Variants in DISP3 observed in about 807,000 individuals in gnomAD.
The protein encoded by DISP3 is dispatched RND transporter family member 3.
Under a neutral mutation model 135.3 loss-of-function variants are expected in DISP3, and 101 were observed. That is an observed-to-expected ratio of 0.75 (90% CI 0.64 to 0.88). The LOEUF (loss-of-function observed/expected upper bound fraction) is 0.88, where lower values mean the gene tolerates loss of function less well. Among genes scored for constraint, DISP3 ranks in the 40% least tolerant of loss-of-function variants. DISP3 has a pLI of 0.00. For synonymous variants in DISP3, 856 were observed against 817.0 expected, an observed-to-expected ratio of 1.05 and a Z score of -0.81; for missense variants, 1,713 against 1,878.6, an observed-to-expected ratio of 0.91 and a Z score of 1.63.
chr1:11,504,280 A>G (rs1407344552), intron 3 of DISP3, among the ~76,000 whole-genome samples: 3 of 152,220 alleles, frequency 2.0e-5, no homozygotes, highest in Non-Finnish European at 4.4e-5. Flanking sequence ...GAGACATGGC[A>G]ATTAGGTAAG....
chr1:11,489,457 A>G (rs901624180), intron 1 of DISP3, among the ~76,000 whole-genome samples: 1 of 152,184 alleles, frequency 6.6e-6, no homozygotes, highest in African/African-American at 2.4e-5. Context: ...GCTATTGGCT[A>G]TTCAGCTGTT....
rs746398068 is a variant in DISP3, at chr1:11,501,744, G to T, written c.752G>T (p.Arg251Leu). The change falls in exon 2 of 21, where the codon CGA (arginine) becomes CTA (leucine). Residue 251 changes from arginine (R) to leucine (L), a missense_variant. By Grantham distance (102) the Arg-to-Leu change is moderately radical. Around this residue, in one of 2 missense-constraint regions of DISP3, gnomAD observed 571 missense variants for 494.1 expected, o/e 1.16. Coordinates refer to ENST00000294484, the MANE Select transcript of DISP3 (RefSeq NM_020780.2). This position sits in a 1 kb window ranked among gnomAD's most constrained non-coding sequence, Gnocchi z 4.9. ...GCGGCCAATCAGAGCCGTGCCCGCC[G>T]AGGCGCCTCGCGCTGGGACTACTCG... is the stretch of plus-strand genomic sequence containing the variant. ...AVAANQSRARRGASRWDYSRA... is the reference protein window; with the variant it reads ...AVAANQSRARLGASRWDYSRA... 1 of 1,591,864 alleles carries T rather than the reference G, an allele frequency of 6.3e-7. No homozygotes were observed. Among genetic ancestry groups the T allele is most frequent in the South Asian group, 1.1e-5 (1 of 89,044 alleles).
Position 11,501,658 on chromosome 1 carries a change from A to G in DISP3, c.666A>G (p.Arg222=). The G allele has an allele frequency of 6.2e-7, 1 of 1,609,064 alleles. No homozygotes were observed. The highest frequency in any genetic ancestry group is 2.2e-5 in the East Asian group (1 of 44,730). ...DLAANQSEDP[R]NQRLSKNGRY... is the part of the protein sequence containing the mutation. ...CAGCCAACCAGAGTGAAGACCCGCG[A>G]AACCAGCGGCTGAGCAAGAATGGGC... The change falls in exon 2 of 21, where the codon CGA becomes CGG. Residue 222 remains arginine, a synonymous_variant. Coordinates refer to ENST00000294484, the MANE Select transcript of DISP3 (RefSeq NM_020780.2). This position sits in a 1 kb window ranked among gnomAD's most constrained non-coding sequence, Gnocchi z 4.9.
chr1:11,536,034 G>A lies in DISP3; in HGVS notation c.3817-290G>A, dbSNP rs533807132. Among the ~76,000 whole-genome samples, 3 of 152,334 alleles carry A rather than the reference G, an allele frequency of 2.0e-5. No individual in the cohort carries two copies. The highest frequency in any genetic ancestry group is 2.0e-4 in the Admixed American group (3 of 15,306). ...TACTCAGTGCCAAAACCGGCTCTGG[G>A]CCTAGTAACGATTTTTTTCTTTAGT... On this transcript the variant is annotated intron_variant, in intron 20 of 20. Coordinates refer to ENST00000294484, the MANE Select transcript of DISP3 (RefSeq NM_020780.2). The surrounding 1 kb of genome is among the most constrained non-coding windows in gnomAD (Gnocchi z 4.3).
At chr1:11,532,739 C>G (rs1207238313) in intron 17 of DISP3, among the ~76,000 whole-genome samples, 1 of 152,152 alleles carries the variant, frequency 6.6e-6, no homozygotes, top group Non-Finnish European at 1.5e-5. Flanking sequence ...TCTCTGTCCC[C>G]CAGGCTGGAG....
chr1:11,511,996 A>G (rs1304125444), intron 3 of DISP3, among the ~76,000 whole-genome samples: 1 of 152,138 alleles, frequency 6.6e-6, no homozygotes, highest in African/African-American at 2.4e-5. Flanking sequence ...ACATTGACCC[A>G]TTTCAGCCAC....
rs1641445820 is a variant in DISP3, at chr1:11,499,679, A to G, written c.-3-1311A>G. ...TTTCTGTTTCTTCTTTTGTTTCCCT[A>G]TTTGCATCTCAGTCTCTCCCTCATC... On this transcript the variant is annotated intron_variant, in intron 1 of 20. Transcript: ENST00000294484. The surrounding 1 kb of genome is among the most constrained non-coding windows in gnomAD (Gnocchi z 5.2). 6.7e-6 allele frequency among the ~76,000 whole-genome samples: 1 copy of G among 149,898 alleles called. No individual in the cohort carries two copies. Among genetic ancestry groups the G allele is most frequent in the Non-Finnish European group, 1.5e-5 (1 of 67,494 alleles).
intron 12 of DISP3, 97 bp from the exon 13 acceptor site, chr1:11,526,554 A>G (rs1570140798): frequency 1.5e-6 from 2 of 1,364,412 alleles, no homozygotes; most frequent in East Asian, 2.3e-5. Context: ...GACAGGGTGA[A>G]CTATGCCGAG....
intron 3 of DISP3, among the ~76,000 whole-genome samples, chr1:11,508,367 A>G (rs1045021813): frequency 2.0e-5 from 3 of 152,018 alleles, no homozygotes; most frequent in African/African-American, 7.3e-5. Flanking sequence ...GCAGTGAACT[A>G]TGATTGGGCT....
In DISP3 at chr1:11,483,029, G is replaced by A. The variant is rs1261458872; in HGVS notation, c.-4+3657G>A. 6.6e-6 allele frequency among the ~76,000 whole-genome samples: 1 copy of A among 152,208 alleles called. No homozygotes were observed. The highest frequency in any genetic ancestry group is 1.5e-5 in the Non-Finnish European group (1 of 68,034). On this transcript the variant is annotated intron_variant, in intron 1 of 20. Transcript: ENST00000294484. This position sits in a 1 kb window ranked among gnomAD's most constrained non-coding sequence, Gnocchi z 5.4. ...TGTTTTCCAAAAGTCGCATTTCACG[G>A]GCAGACAGTGCGGCTCACGCTGCAG...
At chr1:11,530,036 C>A (rs1642536303) in intron 15 of DISP3, 77 bp downstream of exon 15, 1 of 1,547,212 alleles carries the variant, frequency 6.5e-7, no homozygotes, top group South Asian at 1.2e-5. Flanking sequence ...TCCAGGGAAC[C>A]ATGTCCAGCT....
Position 11,502,029 on chromosome 1 carries a change from C to G in DISP3, c.1037C>G (p.Thr346Ser), listed in dbSNP as rs777850306. Residue 346 changes from threonine (T) to serine (S), a missense_variant, in exon 2 of 21, where the codon ACC becomes AGC. Physicochemically the swap from Thr to Ser is moderately conservative, Grantham distance 58. This residue lies in a region of DISP3 where 571 missense variants were observed against 494.1 expected (regional missense o/e 1.16). Transcript: ENST00000294484. ...TCGCTCATGACCTACTTTTTTCCCACCGAGAGGGGCGGCAAGATCTACTAT... is the reference window on the plus strand; with the variant it reads ...TCGCTCATGACCTACTTTTTTCCCAGCGAGAGGGGCGGCAAGATCTACTAT... ...PSSLMTYFFPTERGGKIYYDG... is the reference protein window; with the variant it reads ...PSSLMTYFFPSERGGKIYYDG... 8 of 1,605,378 alleles carry G rather than the reference C, an allele frequency of 5.0e-6. No homozygotes were observed. In the South Asian group the frequency reaches 8.9e-5, roughly 18 times the overall value.
intron 1 of DISP3, among the ~76,000 whole-genome samples, chr1:11,479,782 A>G (rs1640840912): frequency 1.3e-5 from 2 of 152,206 alleles, no homozygotes; most frequent in Non-Finnish European, 2.9e-5. Context: ...GCTCTCGCCC[A>G]TGCTAGAGCG....
chr1:11,529,874 A>G lies in DISP3; in HGVS notation c.3017A>G (p.Asp1006Gly). The change falls in exon 15 of 21, where the codon GAT becomes GGT. Residue 1006 changes from aspartate (D) to glycine (G), a missense_variant. This residue lies in a region of DISP3 where 1,142 missense variants were observed against 1,384.6 expected (regional missense o/e 0.82). Transcript: ENST00000294484. The surrounding 1 kb of genome is among the most constrained non-coding windows in gnomAD (Gnocchi z 4.7). ...CGKPAVRPLV[D>G]TGAMVFVVFG... Reference sequence around the variant, plus strand: ...AAGCCGGCGGTGCGGCCACTAGTGGATACCGGGGCCATGGTCTTTGTGGTC... The same window carrying G: ...AAGCCGGCGGTGCGGCCACTAGTGGGTACCGGGGCCATGGTCTTTGTGGTC... 6.2e-7 allele frequency: 1 copy of G among 1,614,010 alleles called. No homozygotes were observed. The highest frequency in any genetic ancestry group is 8.5e-7 in the Non-Finnish European group (1 of 1,180,018).
chr1:11,507,941 A>C (rs1356509734), intron 3 of DISP3, among the ~76,000 whole-genome samples: 1 of 152,262 alleles, frequency 6.6e-6, no homozygotes, highest in Non-Finnish European at 1.5e-5. Context: ...ACAAAAGGAT[A>C]GTTAACCTAT....
intron 4 of DISP3, among the ~76,000 whole-genome samples, chr1:11,514,811 G>C (rs1641957006): frequency 6.6e-6 from 1 of 152,202 alleles, no homozygotes. Flanking sequence ...TTGTGCTGGG[G>C]AGTCTGGGGT....
intron 3 of DISP3, among the ~76,000 whole-genome samples, chr1:11,510,037 T>C (rs529851919): frequency 3.9e-5 from 6 of 152,140 alleles, no homozygotes; most frequent in Admixed American, 1.3e-4. Context: ...AGGTGGAGCT[T>C]TCAGTGAGCT....
chr1:11,501,285 C>A lies in DISP3; in HGVS notation c.293C>A (p.Pro98Gln), dbSNP rs1392706131. The A allele has an allele frequency of 6.2e-7, 1 of 1,614,032 alleles. No individual in the cohort carries two copies. Among genetic ancestry groups the A allele is most frequent in the Non-Finnish European group, 8.5e-7 (1 of 1,180,054 alleles). Reference sequence around the variant, plus strand: ...GCCTTCATGTTCCTTTACTACCCACCGCTGGACATTGACATCTCCTACAAC... The same window carrying A: ...GCCTTCATGTTCCTTTACTACCCACAGCTGGACATTGACATCTCCTACAAC... ...LSAFMFLYYP[P>Q]LDIDISYNAF... Residue 98 changes from proline (P) to glutamine (Q), a missense_variant, in exon 2 of 21, where the codon CCG becomes CAG. Coordinates refer to ENST00000294484, the MANE Select transcript of DISP3 (RefSeq NM_020780.2). The surrounding 1 kb of genome is among the most constrained non-coding windows in gnomAD (Gnocchi z 4.9).
intron 10 of DISP3, among the ~76,000 whole-genome samples, chr1:11,522,627 GAGCCCAGCCA>G (rs1557615045): frequency 2.7e-4 from 14 of 51,710 alleles, no homozygotes; most frequent in South Asian, 1.2e-3. Flanking sequence ...GACCCAGCCA[GAGCCCAGCCA>G]GAGCCCAGCC....
Sources: gnomAD v4.1 joint callset for allele counts (sites outside exome capture counted in the v4.1 genomes callset) on GRCh38, gnomAD v4.1.1 for gene constraint, gnomAD v4.1.1 regional missense constraint, Gnocchi (gnomAD v3.1) non-coding constraint, MANE v1.5 for transcripts, NCBI Gene and HGNC (gene_info 2026-07-23, HGNC 2026-07-21) for gene names.